Variants in MSTO1 observed in about 807,000 individuals in gnomAD.
MSTO1 encodes misato mitochondrial distribution and morphology regulator 1.
MSTO1 carries 24 observed loss-of-function variants against 55.7 expected under a neutral mutation model. The observed-to-expected ratio is 0.43, with a 90% CI of 0.31 to 0.61. The LOEUF (loss-of-function observed/expected upper bound fraction) is 0.61, where lower values mean the gene tolerates loss of function less well. Ranked by LOEUF, MSTO1 falls within the 20% of genes least tolerant of loss-of-function variation. The pLI, the probability that MSTO1 is intolerant of heterozygous loss-of-function variation, is 0.09. For synonymous variants in MSTO1, 162 were observed against 252.8 expected (o/e 0.64, Z 3.41); for missense variants, 363 against 625.7 (o/e 0.58, Z 4.48).
upstream of MSTO1, among the ~76,000 whole-genome samples, chr1:155,607,342 T>C (rs1672952521): frequency 6.6e-6 from 1 of 150,662 alleles, no homozygotes; most frequent in Admixed American, 6.6e-5. Flanking sequence ...GCCCAGATAA[T>C]TTTTGTATTT....
chr1:155,572,021 G>A, the MSTO1 span, among the ~76,000 whole-genome samples: 2 of 149,218 alleles, frequency 1.3e-5, no homozygotes, highest in Admixed American at 6.7e-5. Flanking sequence ...CAGCCTGGGC[G>A]ACAGAGTGAG....
At chr1:155,569,989 A>T in the MSTO1 span, among the ~76,000 whole-genome samples, 1 of 152,190 alleles carries the variant, frequency 6.6e-6, no homozygotes, top group Non-Finnish European at 1.5e-5. Context: ...GAAAGTCGAG[A>T]AAGATAATTA....
intron 9 of MSTO1, 98 bp downstream of exon 9, chr1:155,612,668 C>G (rs1674508848): frequency 6.8e-6 from 10 of 1,463,990 alleles, no homozygotes; most frequent in Non-Finnish European, 9.2e-6. Flanking sequence ...TCTTGAGGCC[C>G]GAGCTTGAAC....
At chr1:155,599,204 C>T in the MSTO1 span, among the ~76,000 whole-genome samples, 1 of 152,054 alleles carries the variant, frequency 6.6e-6, no homozygotes, top group Non-Finnish European at 1.5e-5. Flanking sequence ...AAAGAAAAGC[C>T]TTTACTCCAG....
chr1:155,578,336 CTTTTTTT>C, the MSTO1 span, among the ~76,000 whole-genome samples: 48 of 44,290 alleles, frequency 1.1e-3, 1 homozygote, highest in East Asian at 0.039. Flanking sequence ...AACTACCTTT[CTTTTTTT>C]TTTTTTTTTT....
chr1:155,609,267 A>G (rs1157607376), upstream of MSTO1, among the ~76,000 whole-genome samples: 2 of 41,342 alleles, frequency 4.8e-5, no homozygotes, highest in East Asian at 1.2e-3. Context: ...TTTTTTTGAG[A>G]CAGAGTCTCG....
chr1:155,571,973 C>T, the MSTO1 span, among the ~76,000 whole-genome samples: 2 of 149,120 alleles, frequency 1.3e-5, no homozygotes, highest in Admixed American at 6.8e-5. Context: ...ACCCAGGAGG[C>T]GGAGGTTGCA....
At chr1:155,597,720 G>GT in the MSTO1 span, among the ~76,000 whole-genome samples, 1 of 151,476 alleles carries the variant, frequency 6.6e-6, no homozygotes, top group African/African-American at 2.4e-5. Flanking sequence ...ATGTTGGTCA[G>GT]GCTGGTCTCG....
chr1:155,572,737 G>A, the MSTO1 span, among the ~76,000 whole-genome samples: 9 of 151,796 alleles, frequency 5.9e-5, no homozygotes, highest in African/African-American at 1.9e-4. Context: ...TGCAACCTCC[G>A]CCTCCTGGGT....
the MSTO1 span, chr1:155,602,075 C>T: frequency 4.4e-6 from 3 of 677,370 alleles, no homozygotes; most frequent in South Asian, 2.8e-5. Flanking sequence ...TTTTTAAGCT[C>T]ATCTTTGGGT....
chr1:155,582,137 C>T, the MSTO1 span, among the ~76,000 whole-genome samples: 3 of 150,432 alleles, frequency 2.0e-5, no homozygotes, highest in East Asian at 2.0e-4. Context: ...CATGATCGCC[C>T]GCCTCGGCCT....
chr1:155,563,310 G>C, the MSTO1 span: 1 of 455,904 alleles, frequency 2.2e-6, no homozygotes, highest in Non-Finnish European at 4.4e-6. Context: ...CTAGTCAGGA[G>C]AACTAGTCCT....
Position 155,613,459 on chromosome 1 carries a change from C to T in MSTO1, c.1284-3C>T. 1 of 1,614,048 alleles carries T rather than the reference C, an allele frequency of 6.2e-7. No individual in the cohort carries two copies. The highest frequency in any genetic ancestry group is 8.5e-7 in the Non-Finnish European group (1 of 1,179,990). On this transcript the variant is annotated splice_polypyrimidine_tract_variant and splice_region_variant and intron_variant, in intron 11 of 13. Transcript: ENST00000245564. ...AATGGTGGTTTTGGCTTTGTTCTGG[C>T]AGCCAGCTCACCCCAGGGACACCTC...
At chr1:155,580,176 T>C in the MSTO1 span, among the ~76,000 whole-genome samples, 1 of 149,230 alleles carries the variant, frequency 6.7e-6, no homozygotes, top group Non-Finnish European at 1.5e-5. Context: ...AGAGGTTGCA[T>C]GGCCAGCGGT....
chr1:155,598,152 T>C, the MSTO1 span, among the ~76,000 whole-genome samples: 2 of 150,320 alleles, frequency 1.3e-5, no homozygotes, highest in Admixed American at 1.3e-4. Flanking sequence ...AATTTCACCC[T>C]TGTTGCACAG....
At chr1:155,570,895 G>A in the MSTO1 span, among the ~76,000 whole-genome samples, 1 of 152,116 alleles carries the variant, frequency 6.6e-6, no homozygotes, top group South Asian at 2.1e-4. Context: ...CTTCCTTCTT[G>A]CTTTCTTCAT....
chr1:155,611,593 C>T lies in MSTO1; in HGVS notation c.411C>T (p.Pro137=). The T allele has an allele frequency of 6.6e-7, 1 of 1,513,466 alleles. No homozygotes were observed. Among genetic ancestry groups the T allele is most frequent in the Non-Finnish European group, 9.2e-7 (1 of 1,092,746 alleles). The allele number at this position is 1,513,466 out of a possible 1,614,324, so 93.8% of individuals were successfully genotyped here. A position where few individuals can be genotyped will look rare whatever the true frequency, so the allele number is the denominator to read the frequency against. The change falls in exon 5 of 14, where the codon CCC becomes CCT. Residue 137 remains proline (P), a synonymous_variant. Transcript: ENST00000245564. Reference sequence around the variant, plus strand: ...GTGTCTGGAGGGTCAAATCCATTCCCAATGGCAAAGGTGAGACTTCTCCAG... The same window carrying T: ...GTGTCTGGAGGGTCAAATCCATTCCTAATGGCAAAGGTGAGACTTCTCCAG... The part of the protein sequence containing the change: ...SDGVWRVKSI[P]NGKGSSPLPT...
chr1:155,614,873 A>T lies in MSTO1; in HGVS notation c.*600A>T. On this transcript the variant is annotated 3_prime_UTR_variant, in exon 14 of 14. Transcript: ENST00000245564. The stretch of plus-strand genomic sequence containing the variant: ...AGTTCTCGAAAATGGTGGGAAACCT[A>T]AGAAAGGAGGAGGGCTGTATTCACT... The T allele has an allele frequency of 6.4e-7, 1 of 1,562,570 alleles. No homozygotes were observed. Among genetic ancestry groups the T allele is most frequent in the South Asian group, 1.2e-5 (1 of 85,502 alleles).
chr1:155,581,798 AT>A, the MSTO1 span, among the ~76,000 whole-genome samples: 180 of 144,128 alleles, frequency 1.2e-3, 1 homozygote, highest in South Asian at 0.012. Context: ...TTTTACCATA[AT>A]TTTTTTTTTT....
Sources: allele counts gnomAD v4.1 joint callset (sites outside exome capture counted in the v4.1 genomes callset), GRCh38; gene constraint gnomAD v4.1.1; transcripts MANE v1.5; gene names NCBI Gene and HGNC (gene_info 2026-07-23, HGNC 2026-07-21).